Variants in MEF2C observed in about 807,000 individuals in gnomAD.
MEF2C encodes myocyte-specific enhancer factor 2C.
In MEF2C, 6 loss-of-function variants were observed where a neutral mutation model predicts 50.5. The observed-to-expected ratio is 0.12, with a 90% confidence interval of 0.07 to 0.23. The LOEUF is 0.23. Among genes scored for constraint, MEF2C ranks in the 10% least tolerant of loss-of-function variants. MEF2C has a pLI of 1.00. For missense variants in MEF2C, 276 were observed against 605.0 expected (o/e 0.46, Z 5.70); for synonymous variants, 183 against 228.0 (o/e 0.80, Z 1.78).
chr5:88,722,766 A>G lies in MEF2C; in HGVS notation c.1260T>C (p.Pro420=). 1.9e-6 allele frequency: 3 copies of G among 1,613,920 alleles called. No homozygotes were observed. The highest frequency in any genetic ancestry group is 2.5e-6 in the Non-Finnish European group (3 of 1,179,882). ...QHTRHEAGRS[P]VDSLSSCSSS... ...TGCTACAGCTGCTCAAGCTGTCAAC[A>G]GGAGATCTCCCCGCCTCGTGGCGCG... The change falls in exon 11 of 11, where the codon CCT becomes CCC. Residue 420 remains proline, a synonymous_variant. Coordinates refer to ENST00000504921, the MANE Select transcript of MEF2C (RefSeq NM_002397.5).
chr5:88,874,305 G>T (rs1479901842), intron 1 of MEF2C, among the ~76,000 whole-genome samples: 1 of 151,842 alleles, frequency 6.6e-6, no homozygotes, highest in Non-Finnish European at 1.5e-5. Context: ...CAATACCAAC[G>T]GGTATGATTC....
At chr5:88,790,729 T>C (rs116665504) in intron 3 of MEF2C, among the ~76,000 whole-genome samples, 105 of 152,086 alleles carry the variant, frequency 6.9e-4, no homozygotes, top group African/African-American at 2.4e-3. Flanking sequence ...AAAGAAAAAA[T>C]TGTATATTTA....
intron 1 of MEF2C, among the ~76,000 whole-genome samples, chr5:88,902,625 G>GAAAT (rs1223472921): frequency 6.6e-6 from 1 of 151,154 alleles, no homozygotes; most frequent in East Asian, 1.9e-4. Context: ...CAGGTACAGT[G>GAAAT]GTCATTAAAA....
chr5:88,798,408 C>T (rs1796903789), intron 3 of MEF2C, among the ~76,000 whole-genome samples: 1 of 151,804 alleles, frequency 6.6e-6, no homozygotes, highest in Admixed American at 6.6e-5. Flanking sequence ...TCTCTTATAT[C>T]CTTTCTTCCG....
intron 10 of MEF2C, among the ~76,000 whole-genome samples, chr5:88,725,313 C>A (rs1758195542): frequency 6.6e-6 from 1 of 152,006 alleles, no homozygotes; most frequent in Non-Finnish European, 1.5e-5. Flanking sequence ...GGGACTAAAT[C>A]CACAGTAGTA....
At chr5:88,773,438 T>A (rs1783322859) in intron 3 of MEF2C, among the ~76,000 whole-genome samples, 1 of 151,838 alleles carries the variant, frequency 6.6e-6, no homozygotes, top group Admixed American at 6.6e-5. Flanking sequence ...GAAGAGAGAG[T>A]TAATAGAATT....
intron 1 of MEF2C, chr5:88,843,296 T>G: frequency 1.0e-6 from 1 of 977,800 alleles, no homozygotes; most frequent in Non-Finnish European, 1.2e-6. Context: ...GTGAGATGGA[T>G]AGACATGTTA....
At chr5:88,815,933 TAGC>T (rs1805129496) in intron 2 of MEF2C, among the ~76,000 whole-genome samples, 1 of 152,048 alleles carries the variant, frequency 6.6e-6, no homozygotes, top group African/African-American at 2.4e-5. Context: ...AGGTGACTTG[TAGC>T]AGACAGAGTG....
intron 1 of MEF2C, among the ~76,000 whole-genome samples, chr5:88,832,260 A>G (rs568583772): frequency 3.2e-4 from 49 of 152,144 alleles, no homozygotes; most frequent in Non-Finnish European, 5.9e-4. Context: ...TCTGGCTAAC[A>G]TAAATCAATA....
intron 3 of MEF2C, among the ~76,000 whole-genome samples, 158 bp from the exon 4 acceptor site, chr5:88,761,486 T>A (rs981725795): frequency 1.3e-5 from 2 of 152,236 alleles, no homozygotes; most frequent in Admixed American, 1.3e-4. Flanking sequence ...GTCATTTCAA[T>A]CGAGTGCTCA....
chr5:88,865,251 T>C (rs904370514), intron 1 of MEF2C, among the ~76,000 whole-genome samples: 3 of 152,194 alleles, frequency 2.0e-5, no homozygotes, highest in Non-Finnish European at 2.9e-5. Context: ...GAACCACTTA[T>C]CTAAGCTAAC....
chr5:88,813,740 C>T (rs879846550), intron 2 of MEF2C, among the ~76,000 whole-genome samples: 1 of 152,090 alleles, frequency 6.6e-6, no homozygotes, highest in African/African-American at 2.4e-5. Context: ...TTACAGTGCT[C>T]AATGAATGGA....
chr5:88,754,824 A>T (rs1409489714), intron 4 of MEF2C, among the ~76,000 whole-genome samples: 2 of 152,184 alleles, frequency 1.3e-5, no homozygotes, highest in Non-Finnish European at 2.9e-5. Flanking sequence ...AAAACTCAAG[A>T]TGAGAATTTT....
In MEF2C at chr5:88,722,609, T is replaced by G. The variant is rs1271598402; in HGVS notation, c.1417A>C (p.Thr473Pro). Residue 473 changes from threonine (T) to proline (P), a missense_variant, in exon 11 of 11, where the codon ACA (threonine) becomes CCA (proline). Around this residue, in one of 2 missense-constraint regions of MEF2C, gnomAD observed 256 missense variants for 468.1 expected, o/e 0.55. Transcript: ENST00000504921. ...KRMRLSEGWA[T>P] ...ACTAGTAAGTAATAATCTGATCATG[T>G]TGCCCATCCTTCAGAAAGTCGCATG... The G allele has an allele frequency of 6.2e-7, 1 of 1,606,248 alleles. No individual in the cohort carries two copies. The highest frequency in any genetic ancestry group is 8.5e-7 in the Non-Finnish European group (1 of 1,176,612).
chr5:88,844,105 C>G (rs1310207640), intron 1 of MEF2C, among the ~76,000 whole-genome samples: 1 of 152,138 alleles, frequency 6.6e-6, no homozygotes, highest in East Asian at 1.9e-4. Flanking sequence ...CCATCGCACC[C>G]CTGCGAAACA....
intron 1 of MEF2C, among the ~76,000 whole-genome samples, chr5:88,864,249 C>T (rs1031739987): frequency 6.6e-6 from 1 of 151,252 alleles, no homozygotes; most frequent in African/African-American, 2.4e-5. Context: ...GTTAATTAGC[C>T]TTATTTGATC....
intron 6 of MEF2C, chr5:88,738,166 G>A: frequency 1.0e-6 from 1 of 985,246 alleles, no homozygotes; most frequent in Non-Finnish European, 1.2e-6. Flanking sequence ...CAGAGCCTTA[G>A]TTTTCTCAAT....
chr5:88,818,780 T>C (rs1806831015), intron 2 of MEF2C, among the ~76,000 whole-genome samples: 1 of 151,876 alleles, frequency 6.6e-6, no homozygotes, highest in South Asian at 2.1e-4. Flanking sequence ...TTTCCATCCA[T>C]CTCCTCAATA....
At position 88,751,981 on chromosome 5, in the gene MEF2C, C is replaced by T. The variant is rs1256206599; in HGVS notation, c.465G>A (p.Leu155=). 4.3e-6 allele frequency: 7 copies of T among 1,613,776 alleles called. No homozygotes were observed. Among genetic ancestry groups the T allele is most frequent in the African/African-American group, 1.3e-5 (1 of 74,916 alleles). ...VSIPVSSHNS[L]VYSNPVSSLG... is the part of the protein sequence containing the mutation. ...GTGAGCTGACAGGGTTGCTGTACAC[C>T]AAACTGTTGTGGCTGGACACTGGGA... The change falls in exon 5 of 11, where the codon TTG becomes TTA. Residue 155 remains leucine, a synonymous_variant. Coordinates refer to ENST00000504921, the MANE Select transcript of MEF2C (RefSeq NM_002397.5).
Sources: allele counts gnomAD v4.1 joint callset (sites outside exome capture counted in the v4.1 genomes callset), GRCh38; gene constraint gnomAD v4.1.1; regional missense constraint gnomAD v4.1.1; transcripts MANE v1.5; gene names NCBI Gene and HGNC (gene_info 2026-07-23, HGNC 2026-07-21).